Variants in MMP16 observed in about 807,000 individuals in gnomAD.
MMP16 encodes the protein matrix metalloproteinase-16.
MMP16 carries 12 observed loss-of-function variants against 67.8 expected under a neutral mutation model. The ratio of observed to expected loss-of-function variants is 0.18; its 90% confidence interval spans 0.11 to 0.29. The LOEUF (loss-of-function observed/expected upper bound fraction) is 0.29, where lower values mean the gene tolerates loss of function less well. Among genes scored for constraint, MMP16 ranks in the 10% least tolerant of loss-of-function variants. The pLI is 1.00. For missense variants in MMP16, 475 were observed against 765.7 expected (o/e 0.62, Z 4.48); for synonymous variants, 249 against 255.9 (o/e 0.97, Z 0.26).
chr8:88,059,425 C>A (rs1808369258), intron 7 of MMP16, among the ~76,000 whole-genome samples: 1 of 152,098 alleles, frequency 6.6e-6, no homozygotes, highest in Non-Finnish European at 1.5e-5. Context: ...TGAAAGCCAA[C>A]TAGTATCTAT....
intron 1 of MMP16, among the ~76,000 whole-genome samples, chr8:88,222,984 TAAAC>T (rs1301060124): frequency 2.0e-5 from 3 of 151,834 alleles, no homozygotes; most frequent in Admixed American, 2.0e-4. Context: ...ACAAAGAACT[TAAAC>T]AAATTTACAA....
intron 6 of MMP16, 73 bp downstream of exon 6, chr8:88,116,434 T>C (rs1376004894): frequency 3.8e-6 from 5 of 1,323,462 alleles, no homozygotes; most frequent in Non-Finnish European, 5.3e-6. Flanking sequence ...TTAGAATGAA[T>C]GAGAACTTGT....
chr8:88,212,717 C>G (rs1054350347), intron 1 of MMP16, among the ~76,000 whole-genome samples: 19 of 152,064 alleles, frequency 1.2e-4, no homozygotes, highest in African/African-American at 4.6e-4. Context: ...ATCCTGTTTT[C>G]TACTCTCTGA....
intron 4 of MMP16, among the ~76,000 whole-genome samples, chr8:88,122,329 G>T (rs1807853494): frequency 6.6e-6 from 1 of 151,756 alleles, no homozygotes; most frequent in Non-Finnish European, 1.5e-5. Flanking sequence ...TATTTTAAAA[G>T]AAAAATCAAA....
intron 1 of MMP16, among the ~76,000 whole-genome samples, chr8:88,279,407 G>T (rs1008579656): frequency 6.6e-6 from 1 of 152,074 alleles, no homozygotes; most frequent in Non-Finnish European, 1.5e-5. Flanking sequence ...TACATAGCTT[G>T]CATTCTATTT....
At position 88,041,815 on chromosome 8, in the gene MMP16, C is replaced by A; in HGVS notation, c.1490-20G>T. 1 of 1,543,824 alleles carries A rather than the reference C, an allele frequency of 6.5e-7. No individual in the cohort carries two copies. The highest frequency in any genetic ancestry group is 8.9e-7 in the Non-Finnish European group (1 of 1,127,218). ...TAAAGCCTAGGGGGAAAAACATACA[C>A]ACACACAGGTACCACTTATTTGTGA... On this transcript the variant is annotated intron_variant, in intron 9 of 9. Coordinates refer to ENST00000286614, the MANE Select transcript of MMP16 (RefSeq NM_005941.5). The surrounding 1 kb of genome is among the most constrained non-coding windows in gnomAD (Gnocchi z 6.0).
chr8:88,223,961 G>C (rs1219016801), intron 1 of MMP16, among the ~76,000 whole-genome samples: 1 of 151,964 alleles, frequency 6.6e-6, no homozygotes, highest in African/African-American at 2.4e-5. Context: ...CTAGGAATGT[G>C]ATGAAGGATA....
chr8:88,230,140 C>A (rs1254451662), intron 1 of MMP16, among the ~76,000 whole-genome samples: 3 of 152,052 alleles, frequency 2.0e-5, no homozygotes, highest in African/African-American at 7.2e-5. Context: ...GATTCTCGAA[C>A]TTTATTGTGC....
chr8:88,056,274 G>C lies in MMP16; in HGVS notation c.1227C>G (p.Asn409Lys), dbSNP rs1264212325. The change falls in exon 8 of 10, where the codon AAC (asparagine) becomes AAG (lysine). Residue 409 changes from asparagine to lysine, a missense_variant. This residue lies in a region of MMP16 where 195 missense variants were observed against 300.9 expected (regional missense o/e 0.65). Transcript: ENST00000286614. The stretch of plus-strand genomic sequence containing the variant: ...TTGTATCCTTGAACACCCAATATTT[G>C]TTACCTGTATGGAATAAGTGTAAAT... ...SDGNFVFFKG[N>K]KYWVFKDTTL... 6.5e-7 allele frequency: 1 copy of C among 1,537,278 alleles called. No homozygotes were observed. Among genetic ancestry groups the C allele is most frequent in the South Asian group, 1.3e-5 (1 of 78,940 alleles).
intron 3 of MMP16, among the ~76,000 whole-genome samples, chr8:88,174,265 C>A (rs753893426): frequency 2.6e-5 from 4 of 152,054 alleles, no homozygotes; most frequent in Non-Finnish European, 4.4e-5. Flanking sequence ...AGGTATCTGT[C>A]CCATTGGCCA....
chr8:88,101,331 T>G lies in MMP16; in HGVS notation c.1083+15176A>C, dbSNP rs575014129. 1.2e-3 allele frequency among the ~76,000 whole-genome samples: 183 copies of G among 151,970 alleles called. 1 individual carries two copies. Among genetic ancestry groups the G allele is most frequent in the African/African-American group, 4.3e-3 (178 of 41,514 alleles). On this transcript the variant is annotated intron_variant, in intron 6 of 9. Transcript: ENST00000286614. ...ATATGACTATACATCAGAAACTACATTCCTCCACATACTAATTATAATGTT... is the reference window on the plus strand; with the variant it reads ...ATATGACTATACATCAGAAACTACAGTCCTCCACATACTAATTATAATGTT...
intron 1 of MMP16, among the ~76,000 whole-genome samples, chr8:88,248,147 A>G (rs1810149350): frequency 6.6e-6 from 1 of 152,040 alleles, no homozygotes; most frequent in Non-Finnish European, 1.5e-5. Flanking sequence ...CTACCCACTT[A>G]TGCACAATCT....
At position 88,116,627 on chromosome 8, in the gene MMP16, G is replaced by T; in HGVS notation, c.963C>A (p.Asp321Glu). The change falls in exon 6 of 10, where the codon GAC (aspartate) becomes GAA (glutamate). Residue 321 changes from aspartate to glutamate, a missense_variant. Coordinates refer to ENST00000286614, the MANE Select transcript of MMP16 (RefSeq NM_005941.5). ...TTGGAGGCCGAGGAGGTTTTGGCCT[G>T]TCATTTTTCCTTGGGTCAGCCGGAG... ...SIPPADPRKN[D>E]RPKPPRPPTG... The T allele has an allele frequency of 6.2e-7, 1 of 1,613,914 alleles. No individual in the cohort carries two copies. Among genetic ancestry groups the T allele is most frequent in the Non-Finnish European group, 8.5e-7 (1 of 1,179,888 alleles).
At position 88,110,876 on chromosome 8, in the gene MMP16, T is replaced by G. The variant is rs566589406; in HGVS notation, c.1083+5631A>C. 9.9e-5 allele frequency among the ~76,000 whole-genome samples: 15 copies of G among 151,824 alleles called. No homozygotes were observed. In the South Asian group the frequency reaches 3.1e-3, roughly 31 times the overall value. ...AAAAGTTAAAAATGCTAAGTCTGCT[T>G]TGCTACATAAAAGCTACCATTTCCT... On this transcript the variant is annotated intron_variant, in intron 6 of 9. Coordinates refer to ENST00000286614, the MANE Select transcript of MMP16 (RefSeq NM_005941.5).
intron 1 of MMP16, among the ~76,000 whole-genome samples, chr8:88,237,015 A>G (rs1042408001): frequency 6.6e-6 from 1 of 152,164 alleles, no homozygotes; most frequent in South Asian, 2.1e-4. Context: ...AAATATCGCT[A>G]TTTCTACAGG....
intron 2 of MMP16, among the ~76,000 whole-genome samples, chr8:88,195,246 T>C (rs1011022145): frequency 6.6e-6 from 1 of 152,174 alleles, no homozygotes; most frequent in Non-Finnish European, 1.5e-5. Context: ...CAACAGGAGC[T>C]CACAAAACTT....
intron 1 of MMP16, among the ~76,000 whole-genome samples, chr8:88,314,145 A>G (rs1811341575): frequency 6.6e-6 from 1 of 152,164 alleles, no homozygotes; most frequent in Admixed American, 6.5e-5. Context: ...TCTGCAACCT[A>G]AAGTTTATTT....
chr8:88,052,750 T>C (rs972927481), intron 8 of MMP16, among the ~76,000 whole-genome samples: 10 of 152,198 alleles, frequency 6.6e-5, no homozygotes, highest in Non-Finnish European at 1.5e-5. Flanking sequence ...TTATTGCCTT[T>C]GCATGACTAT....
intron 8 of MMP16, among the ~76,000 whole-genome samples, chr8:88,052,595 G>A (rs543180421): frequency 3.9e-5 from 6 of 152,266 alleles, no homozygotes; most frequent in Admixed American, 1.3e-4. Context: ...CCTCTTCCTT[G>A]TACTTAGAAT....
Sources: gnomAD v4.1 joint callset for allele counts (sites outside exome capture counted in the v4.1 genomes callset) on GRCh38, gnomAD v4.1.1 for gene constraint, gnomAD v4.1.1 regional missense constraint, Gnocchi (gnomAD v3.1) non-coding constraint, MANE v1.5 for transcripts, NCBI Gene and HGNC (gene_info 2026-07-23, HGNC 2026-07-21) for gene names.